SLC43A2: variants seen among roughly 807,000 people sequenced by gnomAD.
SLC43A2 encodes large neutral amino acids transporter small subunit 4.
A neutral mutation model predicts 63.2 loss-of-function variants in SLC43A2; 38 were observed. The observed-to-expected ratio is 0.60, with a 90% CI of 0.46 to 0.79. The LOEUF is 0.79. Ranked by LOEUF, SLC43A2 falls within the 30% of genes least tolerant of loss-of-function variation. SLC43A2 has a pLI of 0.00. For missense variants in SLC43A2, 644 were observed against 756.2 expected (o/e 0.85, Z 1.74); for synonymous variants, 322 against 331.0 (o/e 0.97, Z 0.30).
At chr17:1,622,148 G>A (rs1307980262) in intron 2 of SLC43A2, among the ~76,000 whole-genome samples, 1 of 152,208 alleles carries the variant, frequency 6.6e-6, no homozygotes. Context: ...GCATCCTGAG[G>A]CTGCCGGCCC....
Position 1,605,879 on chromosome 17 carries a change from C to T in SLC43A2, c.501+7316G>A, listed in dbSNP as rs866249798. Among the ~76,000 whole-genome samples the T allele has an allele frequency of 6.6e-6, 1 of 152,068 alleles. No homozygotes were observed. The highest frequency in any genetic ancestry group is 2.4e-5 in the African/African-American group (1 of 41,394). ...CTGAAGGGAGGGGAAGGGTGTGCTC[C>T]CCTCCCCCGGCCACCTCCTGTGCCT... On this transcript the variant is annotated intron_variant, in intron 5 of 13. Coordinates refer to ENST00000301335, the MANE Select transcript of SLC43A2 (RefSeq NM_152346.3). The surrounding 1 kb of genome is among the most constrained non-coding windows in gnomAD (Gnocchi z 4.9).
intron 11 of SLC43A2, among the ~76,000 whole-genome samples, chr17:1,582,689 C>T (rs2076038040): frequency 6.6e-6 from 1 of 152,206 alleles, no homozygotes; most frequent in African/African-American, 2.4e-5. Context: ...GTGTCCAGCT[C>T]ACCTGCAGCA....
At chr17:1,614,687 C>T (rs890415689) in intron 4 of SLC43A2, among the ~76,000 whole-genome samples, 3 of 152,124 alleles carry the variant, frequency 2.0e-5, no homozygotes, top group South Asian at 2.1e-4. Flanking sequence ...CCCCTGCAGC[C>T]GGCCTGGTTC....
chr17:1,607,647 A>G (rs1278438681), intron 5 of SLC43A2, among the ~76,000 whole-genome samples: 3 of 152,000 alleles, frequency 2.0e-5, no homozygotes, highest in Non-Finnish European at 4.4e-5. Context: ...GACGAGGAAC[A>G]GTGACGTAGC....
chr17:1,585,848 C>T (rs1351956873), intron 10 of SLC43A2, 65 bp downstream of exon 10: 1 of 1,610,288 alleles, frequency 6.2e-7, no homozygotes, highest in Admixed American at 1.7e-5. Flanking sequence ...GCCTGACATG[C>T]AGCTCTGGGG....
rs1243327397 is a variant in SLC43A2, at chr17:1,577,228, G to A, written c.1425-508C>T. ...CTCCAGGCCCCAGACTCTGGGGAGG[G>A]CCCACCCCACTCAGCTGTGCCCAGG... is the stretch of plus-strand genomic sequence containing the variant. On this transcript the variant is annotated intron_variant, in intron 12 of 13. Transcript: ENST00000301335. This position sits in a 1 kb window ranked among gnomAD's most constrained non-coding sequence, Gnocchi z 4.9. 6.6e-6 allele frequency among the ~76,000 whole-genome samples: 1 copy of A among 152,196 alleles called. No homozygotes were observed. The highest frequency in any genetic ancestry group is 1.9e-4 in the East Asian group (1 of 5,196).
At chr17:1,603,791 A>G (rs1906309182) in intron 5 of SLC43A2, among the ~76,000 whole-genome samples, 2 of 151,900 alleles carry the variant, frequency 1.3e-5, no homozygotes, top group Admixed American at 1.3e-4. Context: ...GCCTCAAAAA[A>G]CAAAACAAAA....
Position 1,578,439 on chromosome 17 carries a change from T to C in SLC43A2, c.1351-116A>G. On this transcript the variant is annotated intron_variant, in intron 11 of 13. Transcript: ENST00000301335. This position sits in a 1 kb window ranked among gnomAD's most constrained non-coding sequence, Gnocchi z 6.5. ...GGGGCAGTGTCAGCCTGGAGTTGGA[T>C]CAACCCCATCCTCCGGAGCCAATTG... The C allele has an allele frequency of 1.1e-6, 1 of 932,608 alleles. No homozygotes were observed. The highest frequency in any genetic ancestry group is 1.6e-6 in the Non-Finnish European group (1 of 619,560). 57.8% of individuals were successfully genotyped at this position (932,608 alleles called of 1,614,324 possible). A position where few individuals can be genotyped will look rare whatever the true frequency, so the allele number is the denominator to read the frequency against.
At chr17:1,626,894 G>A (rs1908710720) in intron 2 of SLC43A2, among the ~76,000 whole-genome samples, 1 of 152,202 alleles carries the variant, frequency 6.6e-6, no homozygotes, top group Non-Finnish European at 1.5e-5. Context: ...GGGGGCTGCT[G>A]TGGCCCTCCT....
intron 4 of SLC43A2, among the ~76,000 whole-genome samples, chr17:1,614,720 G>A (rs958962587): frequency 6.6e-6 from 1 of 152,118 alleles, no homozygotes; most frequent in African/African-American, 2.4e-5. Flanking sequence ...TCTCAGGTTG[G>A]CATCAGTGAG....
intron 11 of SLC43A2, among the ~76,000 whole-genome samples, chr17:1,581,846 C>G (rs1009526671): frequency 5.9e-5 from 9 of 151,316 alleles, no homozygotes; most frequent in South Asian, 2.1e-4. Flanking sequence ...CACTCTGTCG[C>G]CCAGGCTGGA....
At chr17:1,615,672 T>C (rs1014618984) in intron 3 of SLC43A2, among the ~76,000 whole-genome samples, 11 of 148,986 alleles carry the variant, frequency 7.4e-5, no homozygotes, top group Non-Finnish European at 1.2e-4. Flanking sequence ...TGAAACCCCG[T>C]CTCTACTAAA....
chr17:1,600,152 A>ATATATATATATATATATATATATATATTT (rs1216616243), intron 5 of SLC43A2, among the ~76,000 whole-genome samples: 2 of 60,278 alleles, frequency 3.3e-5, no homozygotes, highest in Non-Finnish European at 6.4e-5. Context: ...ATATATATAT[A>ATATATATATATATATATATATATATATTT]TTTTTTTTTT....
chr17:1,581,150 G>C (rs1308944862), intron 11 of SLC43A2, among the ~76,000 whole-genome samples: 1 of 151,484 alleles, frequency 6.6e-6, no homozygotes, highest in Non-Finnish European at 1.5e-5. Context: ...TGTGGGTGGT[G>C]GGGGGGCAGG....
At chr17:1,612,407 T>C (rs189093715) in intron 5 of SLC43A2, among the ~76,000 whole-genome samples, 300 of 152,186 alleles carry the variant, frequency 2.0e-3, no homozygotes, top group Non-Finnish European at 3.3e-3. Flanking sequence ...CGACTGTCTG[T>C]GCCCGGGCAC....
At chr17:1,587,196 G>A (rs1219529087) in intron 9 of SLC43A2, among the ~76,000 whole-genome samples, 1 of 152,214 alleles carries the variant, frequency 6.6e-6, no homozygotes, top group Admixed American at 6.5e-5. Context: ...CCCAGCCCGG[G>A]CCCCTGCTGA....
intron 10 of SLC43A2, chr17:1,585,654 C>A: frequency 7.2e-7 from 1 of 1,387,226 alleles, no homozygotes; most frequent in Non-Finnish European, 9.5e-7. Flanking sequence ...TTTCAAAGTG[C>A]TGGGATTACA....
chr17:1,584,176 A>G (rs1222667891), intron 10 of SLC43A2, among the ~76,000 whole-genome samples: 1 of 152,020 alleles, frequency 6.6e-6, no homozygotes, highest in African/African-American at 2.4e-5. Context: ...TACAGGTGTG[A>G]GCCACCGCGC....
chr17:1,613,914 C>A (rs886985501), intron 4 of SLC43A2, among the ~76,000 whole-genome samples: 1 of 152,054 alleles, frequency 6.6e-6, no homozygotes, highest in Non-Finnish European at 1.5e-5. Flanking sequence ...GCCTGGGCAA[C>A]AAAGTGAGAC....
Sources: gnomAD v4.1 joint callset for allele counts (sites outside exome capture counted in the v4.1 genomes callset) on GRCh38, gnomAD v4.1.1 for gene constraint, Gnocchi (gnomAD v3.1) non-coding constraint, MANE v1.5 for transcripts, NCBI Gene and HGNC (gene_info 2026-07-23, HGNC 2026-07-21) for gene names.